ASB18: variants seen among roughly 807,000 people sequenced by gnomAD.
ASB18 encodes the protein ankyrin repeat and SOCS box containing 18, also known as ankyrin repeat and SOCS box protein 18.
ASB18 carries 33 observed loss-of-function variants against 33.4 expected under a neutral mutation model. The observed-to-expected ratio is 0.99, with a 90% CI of 0.75 to 1.32. The LOEUF is 1.32. Ranked by LOEUF, ASB18 falls within the 40% of genes most tolerant of loss-of-function variation. ASB18 has a pLI of 0.00. For synonymous variants in ASB18, 295 were observed against 307.6 expected (o/e 0.96, Z 0.43); for missense variants, 694 against 655.5 (o/e 1.06, Z -0.64).
chr2:236,197,506 G>A (rs757156137), intron 4 of ASB18, among the ~76,000 whole-genome samples: 3 of 152,172 alleles, frequency 2.0e-5, no homozygotes, highest in Non-Finnish European at 4.4e-5. Flanking sequence ...CTCTTCCTCT[G>A]TTTTCTGTAA....
Position 236,211,437 on chromosome 2 carries a change from T to C in ASB18, c.1101+2925A>G, listed in dbSNP as rs766777464. On this transcript the variant is annotated intron_variant, in intron 4 of 5. Transcript: ENST00000409749. The surrounding 1 kb of genome is among the most constrained non-coding windows in gnomAD (Gnocchi z 5.0). Reference sequence around the variant, plus strand: ...TCCGCCTGCCGCGACGATGGTGCCTTTGTCTGGGCATGGGGAGCTGTGATT... The same window carrying C: ...TCCGCCTGCCGCGACGATGGTGCCTCTGTCTGGGCATGGGGAGCTGTGATT... Among the ~76,000 whole-genome samples, 2 of 152,234 alleles carry C rather than the reference T, an allele frequency of 1.3e-5. No homozygotes were observed. The highest frequency in any genetic ancestry group is 2.9e-5 in the Non-Finnish European group (2 of 68,036).
Position 236,259,997 on chromosome 2 carries a change from G to T in ASB18, c.205+4144C>A, listed in dbSNP as rs1185659128. On this transcript the variant is annotated intron_variant, in intron 1 of 5. Coordinates refer to ENST00000409749, the MANE Select transcript of ASB18 (RefSeq NM_212556.4). The surrounding 1 kb of genome is among the most constrained non-coding windows in gnomAD (Gnocchi z 4.4). ...GCTTTTTTTTGGTGATGTTGACATGGATGCATCAAAATAAATTCTGTTTCT... is the reference window on the plus strand; with the variant it reads ...GCTTTTTTTTGGTGATGTTGACATGTATGCATCAAAATAAATTCTGTTTCT... Among the ~76,000 whole-genome samples the T allele has an allele frequency of 1.3e-5, 2 of 152,176 alleles. No homozygotes were observed. The highest frequency in any genetic ancestry group is 2.9e-5 in the Non-Finnish European group (2 of 68,036).
Position 236,251,522 on chromosome 2 carries a change from T to A in ASB18, c.206-10120A>T, listed in dbSNP as rs946326322. On this transcript the variant is annotated intron_variant, in intron 1 of 5. Coordinates refer to ENST00000409749, the MANE Select transcript of ASB18 (RefSeq NM_212556.4). The surrounding 1 kb of genome is among the most constrained non-coding windows in gnomAD (Gnocchi z 5.3). ...TCTCTTGAAGTTGGTTTGCTTTGAT[T>A]GTTCTGCCCTGTGATCCTTTATATC... Among the ~76,000 whole-genome samples the A allele has an allele frequency of 6.6e-6, 1 of 152,204 alleles. No individual in the cohort carries two copies. Among genetic ancestry groups the A allele is most frequent in the African/African-American group, 2.4e-5 (1 of 41,442 alleles).
At position 236,251,308 on chromosome 2, in the gene ASB18, T is replaced by C. The variant is rs1275508632; in HGVS notation, c.206-9906A>G. On this transcript the variant is annotated intron_variant, in intron 1 of 5. Transcript: ENST00000409749. The surrounding 1 kb of genome is among the most constrained non-coding windows in gnomAD (Gnocchi z 5.3). ...CGAGTAAATAGCCCTGGAAGGACATTTATAGACTCTGGGGACGTTGCTGGA... is the reference window on the plus strand; with the variant it reads ...CGAGTAAATAGCCCTGGAAGGACATCTATAGACTCTGGGGACGTTGCTGGA... 5.3e-5 allele frequency among the ~76,000 whole-genome samples: 8 copies of C among 152,106 alleles called. No homozygotes were observed. In the South Asian group the frequency reaches 6.2e-4, roughly 12 times the overall value.
intron 4 of ASB18, among the ~76,000 whole-genome samples, chr2:236,202,966 A>G (rs2060412730): frequency 6.6e-6 from 1 of 151,700 alleles, no homozygotes; most frequent in African/African-American, 2.4e-5. Context: ...TCATTATTAT[A>G]TGATCATATT....
Position 236,251,590 on chromosome 2 carries a change from G to A in ASB18, c.206-10188C>T, listed in dbSNP as rs894549268. Among the ~76,000 whole-genome samples, 11 of 152,130 alleles carry A rather than the reference G, an allele frequency of 7.2e-5. No individual in the cohort carries two copies. The highest frequency in any genetic ancestry group is 2.7e-4 in the African/African-American group (11 of 41,438). On this transcript the variant is annotated intron_variant, in intron 1 of 5. Transcript: ENST00000409749. This position sits in a 1 kb window ranked among gnomAD's most constrained non-coding sequence, Gnocchi z 5.3. ...GTTTACCTATCCTGAAGTTGAGAAG[G>A]GTGGTCTAGGAGACAATTTGGTCAA...
rs957908703 is a variant in ASB18, at chr2:236,225,312, T to G, written c.597-10446A>C. Among the ~76,000 whole-genome samples the G allele has an allele frequency of 1.3e-5, 2 of 151,952 alleles. No individual in the cohort carries two copies. Among genetic ancestry groups the G allele is most frequent in the Non-Finnish European group, 2.9e-5 (2 of 67,970 alleles). The stretch of plus-strand genomic sequence containing the variant: ...AATTTTTGCAGAGATGGGGTCTCAC[T>G]ATGTTGCCCAGGCTGGTCTCAAACT... On this transcript the variant is annotated intron_variant, in intron 3 of 5. Transcript: ENST00000409749. The surrounding 1 kb of genome is among the most constrained non-coding windows in gnomAD (Gnocchi z 5.1).
Position 236,194,959 on chromosome 2 carries a change from T to C in ASB18, c.1314A>G (p.Lys438=). The C allele has an allele frequency of 1.9e-6, 3 of 1,613,906 alleles. No individual in the cohort carries two copies. Among genetic ancestry groups the C allele is most frequent in the Non-Finnish European group, 2.5e-6 (3 of 1,179,866 alleles). Residue 438 remains lysine, a synonymous_variant, in exon 6 of 6, where the codon AAA becomes AAG. Coordinates refer to ENST00000409749, the MANE Select transcript of ASB18 (RefSeq NM_212556.4). This position sits in a 1 kb window ranked among gnomAD's most constrained non-coding sequence, Gnocchi z 4.5. Reference sequence around the variant, plus strand: ...ACAGGGGGATGAGGTCAAAGCACCTTTTGCCAAACAGTCTGCGAAGAGCAC... The same window carrying C: ...ACAGGGGGATGAGGTCAAAGCACCTCTTGCCAAACAGTCTGCGAAGAGCAC... ...CRCALRRLFG[K]RCFDLIPLLP...
rs923848122 is a variant in ASB18, at chr2:236,253,448, G to T, written c.205+10693C>A. On this transcript the variant is annotated intron_variant, in intron 1 of 5. Coordinates refer to ENST00000409749, the MANE Select transcript of ASB18 (RefSeq NM_212556.4). This position sits in a 1 kb window ranked among gnomAD's most constrained non-coding sequence, Gnocchi z 5.4. ...GCTAGAGTACAGTGGCACAGTCATA[G>T]CTCACTGTAACCTGAACTCCTGGGC... Among the ~76,000 whole-genome samples the T allele has an allele frequency of 1.3e-5, 2 of 152,112 alleles. No individual in the cohort carries two copies. The highest frequency in any genetic ancestry group is 4.8e-5 in the African/African-American group (2 of 41,406).
In ASB18 at chr2:236,241,395, G is replaced by A. The variant is rs201413222; in HGVS notation, c.213C>T (p.Leu71=). Residue 71 remains leucine (L), a synonymous_variant, in exon 2 of 6, where the codon CTC becomes CTT. Coordinates refer to ENST00000409749, the MANE Select transcript of ASB18 (RefSeq NM_212556.4). This position sits in a 1 kb window ranked among gnomAD's most constrained non-coding sequence, Gnocchi z 4.2. The stretch of plus-strand genomic sequence containing the variant: ...GGTCCATGAGGGGCTTCAGATGGTC[G>A]AGGTCCCCTGCGACCAGGGCAGTGT... ...QLPTGMLLGD[L]DHLKPLMDQF... 2.0e-5 allele frequency: 32 copies of A among 1,613,840 alleles called. No individual in the cohort carries two copies. In the African/African-American group the frequency reaches 2.5e-4, roughly 13 times the overall value.
Position 236,237,571 on chromosome 2 carries a change from G to T in ASB18, c.596+118C>A. ...GGGCAGAGTCAAGGGTGCAGGGTCT[G>T]GGTCCGGAGGCGGGGGCTGGGACGG... On this transcript the variant is annotated intron_variant, in intron 3 of 5. Transcript: ENST00000409749. The surrounding 1 kb of genome is among the most constrained non-coding windows in gnomAD (Gnocchi z 6.2). 1.2e-6 allele frequency: 1 copy of T among 812,440 alleles called. No individual in the cohort carries two copies. The highest frequency in any genetic ancestry group is 1.7e-6 in the Non-Finnish European group (1 of 579,814). 50.3% of individuals were successfully genotyped at this position (812,440 alleles called of 1,614,324 possible). A position where few individuals can be genotyped will look rare whatever the true frequency, so the allele number is the denominator to read the frequency against.
rs900890774 is a variant in ASB18 at position 236,193,813 on chromosome 2, C to G, written c.*1059G>C. Among the ~76,000 whole-genome samples the G allele has an allele frequency of 6.6e-6, 1 of 152,088 alleles. No individual in the cohort carries two copies. Among genetic ancestry groups the G allele is most frequent in the Non-Finnish European group, 1.5e-5 (1 of 68,026 alleles). On this transcript the variant is annotated 3_prime_UTR_variant, in exon 6 of 6. Transcript: ENST00000409749. The surrounding 1 kb of genome is among the most constrained non-coding windows in gnomAD (Gnocchi z 5.0). ...AACAAAAAAGAAACAAGACTGATTC[C>G]TGGGCAAGGCCACTGTCTGTATGGG...
At position 236,255,869 on chromosome 2, in the gene ASB18, G is replaced by A. The variant is rs1173807912; in HGVS notation, c.205+8272C>T. On this transcript the variant is annotated intron_variant, in intron 1 of 5. Transcript: ENST00000409749. The surrounding 1 kb of genome is among the most constrained non-coding windows in gnomAD (Gnocchi z 4.4). ...ACGTGCCATGCCTTGGGTGCACTAC[G>A]TTTCCTGCTCGCCTCCCTTTATCTG... 6.6e-6 allele frequency among the ~76,000 whole-genome samples: 1 copy of A among 152,094 alleles called. No individual in the cohort carries two copies. The highest frequency in any genetic ancestry group is 1.9e-4 in the East Asian group (1 of 5,188).
chr2:236,264,340 G>A lies in ASB18; in HGVS notation c.6C>T (p.Ser2=). The change falls in exon 1 of 6, where the codon TCC becomes TCT. Residue 2 remains serine (S), a synonymous_variant. Transcript: ENST00000409749. This position sits in a 1 kb window ranked among gnomAD's most constrained non-coding sequence, Gnocchi z 5.1. ...GGTAGTCGGGAAGGTAATCCGAGTT[G>A]GACATTGTTACGTCGTTTCTGCAGT... The part of the protein sequence containing the change: M[S]NSDYLPDYPL... The A allele has an allele frequency of 6.2e-7, 1 of 1,613,912 alleles. No individual in the cohort carries two copies. Among genetic ancestry groups the A allele is most frequent in the South Asian group, 1.1e-5 (1 of 91,062 alleles).
At position 236,193,778 on chromosome 2, in the gene ASB18, C is replaced by A. The variant is rs931214248; in HGVS notation, c.*1094G>T. The stretch of plus-strand genomic sequence containing the variant: ...GCCAGTCTCAAAACAAACAAACAAA[C>A]AAACAAAAAAACAAAAAAGAAACAA... On this transcript the variant is annotated 3_prime_UTR_variant, in exon 6 of 6. Coordinates refer to ENST00000409749, the MANE Select transcript of ASB18 (RefSeq NM_212556.4). This position sits in a 1 kb window ranked among gnomAD's most constrained non-coding sequence, Gnocchi z 5.0. 2.0e-5 allele frequency among the ~76,000 whole-genome samples: 3 copies of A among 150,522 alleles called. No individual in the cohort carries two copies. The highest frequency in any genetic ancestry group is 1.3e-4 in the Admixed American group (2 of 15,204).
Position 236,194,741 on chromosome 2 carries a change from C to G in ASB18, c.*131G>C. On this transcript the variant is annotated 3_prime_UTR_variant, in exon 6 of 6. Coordinates refer to ENST00000409749, the MANE Select transcript of ASB18 (RefSeq NM_212556.4). The surrounding 1 kb of genome is among the most constrained non-coding windows in gnomAD (Gnocchi z 4.5). Reference sequence around the variant, plus strand: ...GAAGCTTGGCAAGGTCTGTGCTTCACCCGGTCCCACGGAGAGCAAGTGGGA... The same window carrying G: ...GAAGCTTGGCAAGGTCTGTGCTTCAGCCGGTCCCACGGAGAGCAAGTGGGA... 1 of 767,808 alleles carries G rather than the reference C, an allele frequency of 1.3e-6. No homozygotes were observed. Among genetic ancestry groups the G allele is most frequent in the Non-Finnish European group, 2.0e-6 (1 of 491,568 alleles). 47.6% of individuals were successfully genotyped at this position (767,808 alleles called of 1,614,324 possible).
In ASB18 at chr2:236,193,711, G is replaced by A. The variant is rs138483892; in HGVS notation, c.*1161C>T. Among the ~76,000 whole-genome samples, 1 of 152,346 alleles carries A rather than the reference G, an allele frequency of 6.6e-6. No homozygotes were observed. The highest frequency in any genetic ancestry group is 2.4e-5 in the African/African-American group (1 of 41,584). On this transcript the variant is annotated 3_prime_UTR_variant, in exon 6 of 6. Coordinates refer to ENST00000409749, the MANE Select transcript of ASB18 (RefSeq NM_212556.4). This position sits in a 1 kb window ranked among gnomAD's most constrained non-coding sequence, Gnocchi z 5.0. Reference sequence around the variant, plus strand: ...CCAGGAAGGCTGAAGCAGGAGAATTGCTTGAACCTGGGAGGCGGAGGTTGC... The same window carrying A: ...CCAGGAAGGCTGAAGCAGGAGAATTACTTGAACCTGGGAGGCGGAGGTTGC...
chr2:236,209,929 T>C lies in ASB18; in HGVS notation c.1101+4433A>G, dbSNP rs1034152164. 6.6e-6 allele frequency among the ~76,000 whole-genome samples: 1 copy of C among 152,164 alleles called. No individual in the cohort carries two copies. Among genetic ancestry groups the C allele is most frequent in the Non-Finnish European group, 1.5e-5 (1 of 68,030 alleles). On this transcript the variant is annotated intron_variant, in intron 4 of 5. Transcript: ENST00000409749. This position sits in a 1 kb window ranked among gnomAD's most constrained non-coding sequence, Gnocchi z 4.4. ...CCAGGACGTCTGTCTAGAATGTTTGTCCCCCGCTTCACAAAGATAAGCCTT... is the reference window on the plus strand; with the variant it reads ...CCAGGACGTCTGTCTAGAATGTTTGCCCCCCGCTTCACAAAGATAAGCCTT...
In ASB18 at chr2:236,241,446, T is replaced by A; in HGVS notation, c.206-44A>T. The A allele has an allele frequency of 1.2e-6, 2 of 1,612,712 alleles. No individual in the cohort carries two copies. The highest frequency in any genetic ancestry group is 1.7e-6 in the Non-Finnish European group (2 of 1,179,034). ...GGTACTCCTGCACCGGGGACCCTGC[T>A]CTAGCTTGAGGATCCTTCTCTGTCT... On this transcript the variant is annotated intron_variant, in intron 1 of 5. Transcript: ENST00000409749. This position sits in a 1 kb window ranked among gnomAD's most constrained non-coding sequence, Gnocchi z 4.2.
Sources: allele counts gnomAD v4.1 joint callset (sites outside exome capture counted in the v4.1 genomes callset), GRCh38; gene constraint gnomAD v4.1.1; non-coding constraint Gnocchi (gnomAD v3.1); transcripts MANE v1.5; gene names NCBI Gene and HGNC (gene_info 2026-07-23, HGNC 2026-07-21).